Variants in ADGRL4 observed in about 807,000 individuals in gnomAD.
The protein encoded by ADGRL4 is EGF, latrophilin and seven transmembrane domain containing 1.
A neutral mutation model predicts 74.8 loss-of-function variants in ADGRL4; 90 were observed. The ratio of observed to expected loss-of-function variants is 1.20; its 90% CI spans 1.02 to 1.43. ADGRL4 has a LOEUF of 1.43. Among genes scored for constraint, ADGRL4 ranks in the 40% most tolerant of loss-of-function variants. The pLI is 0.00. For synonymous variants in ADGRL4, 311 were observed against 279.2 expected, an observed-to-expected ratio of 1.11 and a Z score of -1.14; for missense variants, 881 against 814.3, an observed-to-expected ratio of 1.08 and a Z score of -1.00.
chr1:78,890,857 A>G lies in ADGRL4; in HGVS notation c.*297T>C. On this transcript the variant is annotated 3_prime_UTR_variant, in exon 15 of 15. Coordinates refer to ENST00000370742, the MANE Select transcript of ADGRL4 (RefSeq NM_022159.4). The stretch of plus-strand genomic sequence containing the variant: ...TTCATATACTTCTCGTGTTAGAAAG[A>G]AAATCTTTCCTTGGGTGCAGTGATA... The G allele has an allele frequency of 3.0e-6, 1 of 332,100 alleles. No homozygotes were observed. Among genetic ancestry groups the G allele is most frequent in the Non-Finnish European group, 5.6e-6 (1 of 177,780 alleles). 20.6% of individuals were successfully genotyped at this position (332,100 alleles called of 1,614,324 possible).
At chr1:78,974,564 A>C (rs1431626099) in intron 2 of ADGRL4, among the ~76,000 whole-genome samples, 2 of 152,208 alleles carry the variant, frequency 1.3e-5, no homozygotes, top group African/African-American at 4.8e-5. Context: ...CTATAAAAAC[A>C]CAGGTGTATT....
chr1:78,903,096 G>T (rs1047728570), intron 12 of ADGRL4, among the ~76,000 whole-genome samples: 2 of 152,022 alleles, frequency 1.3e-5, no homozygotes, highest in African/African-American at 4.8e-5. Flanking sequence ...GAATGACACT[G>T]GTGTCCTCAC....
intron 12 of ADGRL4, among the ~76,000 whole-genome samples, chr1:78,908,994 C>A (rs1321832679): frequency 1.3e-5 from 2 of 151,514 alleles, no homozygotes; most frequent in African/African-American, 4.8e-5. Context: ...TGAATTCCAG[C>A]TATCTATTGT....
chr1:79,002,855 T>C (rs549980110), intron 2 of ADGRL4, among the ~76,000 whole-genome samples: 1 of 152,066 alleles, frequency 6.6e-6, no homozygotes, highest in Non-Finnish European at 1.5e-5. Context: ...TTAAATTAAA[T>C]AAATTCACTA....
intron 2 of ADGRL4, among the ~76,000 whole-genome samples, chr1:78,997,218 A>T (rs961829196): frequency 6.6e-6 from 1 of 152,186 alleles, no homozygotes; most frequent in Admixed American, 6.5e-5. Context: ...GGGGAATGGT[A>T]CTGAGGTGAT....
chr1:78,945,130 A>C (rs1197975287), intron 3 of ADGRL4, among the ~76,000 whole-genome samples: 2 of 146,980 alleles, frequency 1.4e-5, no homozygotes, highest in African/African-American at 5.0e-5. Flanking sequence ...GCACCACTGC[A>C]CTCCAGCCTG....
At chr1:78,925,849 G>C in intron 8 of ADGRL4, among the ~76,000 whole-genome samples, 1 of 151,982 alleles carries the variant, frequency 6.6e-6, no homozygotes, top group East Asian at 1.9e-4. Flanking sequence ...GATGAAAAAC[G>C]GAAAAAACAT....
chr1:78,930,447 ATTTTTTTTTT>A (rs750792474), intron 7 of ADGRL4, among the ~76,000 whole-genome samples: 1 of 97,290 alleles, frequency 1.0e-5, no homozygotes, highest in Non-Finnish European at 1.9e-5. Context: ...GGAAAAGCTG[ATTTTTTTTTT>A]TTTTTTTTTT....
chr1:78,923,896 C>G (rs115616609), intron 8 of ADGRL4, among the ~76,000 whole-genome samples: 1,912 of 151,870 alleles, frequency 0.013, 53 homozygotes, highest in African/African-American at 0.044. Flanking sequence ...AGATACTGTA[C>G]AGGGAGAGAT....
chr1:78,891,253 C>A, intron 14 of ADGRL4, 37 bp from the exon 15 acceptor site: 2 of 1,547,960 alleles, frequency 1.3e-6, no homozygotes, highest in South Asian at 2.4e-5. Flanking sequence ...AAATGTTAAT[C>A]ATAACAATCA....
chr1:78,910,703 T>C (rs1342865389), intron 12 of ADGRL4, among the ~76,000 whole-genome samples: 5 of 151,860 alleles, frequency 3.3e-5, no homozygotes, highest in East Asian at 1.9e-4. Flanking sequence ...AAATAAATTA[T>C]GGAAATTATC....
At chr1:78,988,961 A>G (rs980326606) in intron 2 of ADGRL4, among the ~76,000 whole-genome samples, 1 of 151,874 alleles carries the variant, frequency 6.6e-6, no homozygotes, top group Non-Finnish European at 1.5e-5. Context: ...TACAAATTTC[A>G]TAATAATAAT....
At chr1:78,925,829 C>G (rs1490218545) in intron 8 of ADGRL4, among the ~76,000 whole-genome samples, 3 of 151,984 alleles carry the variant, frequency 2.0e-5, no homozygotes, top group Non-Finnish European at 4.4e-5. Flanking sequence ...AGCTGCCAAA[C>G]CATTCCACTG....
intron 4 of ADGRL4, among the ~76,000 whole-genome samples, chr1:78,938,921 T>C (rs1649416745): frequency 6.6e-6 from 1 of 152,070 alleles, no homozygotes; most frequent in Non-Finnish European, 1.5e-5. Flanking sequence ...TTAATCAACA[T>C]TTTTTACACA....
At chr1:78,991,716 A>G (rs576443291) in intron 2 of ADGRL4, among the ~76,000 whole-genome samples, 1 of 152,004 alleles carries the variant, frequency 6.6e-6, no homozygotes, top group Non-Finnish European at 1.5e-5. Flanking sequence ...AATATAGTCA[A>G]CCAACTAAGT....
intron 12 of ADGRL4, among the ~76,000 whole-genome samples, chr1:78,898,965 A>G (rs941079700): frequency 6.6e-6 from 1 of 152,154 alleles, no homozygotes; most frequent in African/African-American, 2.4e-5. Flanking sequence ...GGTACATTCA[A>G]CCCAAAGGCT....
chr1:78,895,171 A>C (rs1352123705), intron 12 of ADGRL4, among the ~76,000 whole-genome samples: 1 of 152,064 alleles, frequency 6.6e-6, no homozygotes, highest in Admixed American at 6.6e-5. Context: ...AACAGATTAA[A>C]ACATGTTTAT....
intron 12 of ADGRL4, among the ~76,000 whole-genome samples, chr1:78,903,102 C>G (rs1347104348): frequency 6.6e-6 from 1 of 152,086 alleles, no homozygotes; most frequent in African/African-American, 2.4e-5. Flanking sequence ...CACTGGTGTC[C>G]TCACTTTTTC....
Position 78,921,782 on chromosome 1 carries a change from G to T in ADGRL4, c.1088C>A (p.Thr363Lys), listed in dbSNP as rs746612752. The T allele has an allele frequency of 6.8e-7, 1 of 1,472,440 alleles. No individual in the cohort carries two copies. The highest frequency in any genetic ancestry group is 2.5e-5 in the Admixed American group (1 of 39,472). 91.2% of individuals were successfully genotyped at this position (1,472,440 alleles called of 1,614,324 possible). The change falls in exon 9 of 15, where the codon ACA (threonine) becomes AAA (lysine). Residue 363 changes from threonine to lysine, a missense_variant. Physicochemically the swap from Thr to Lys is moderately conservative, Grantham distance 78. Transcript: ENST00000370742. ...ITFTLSHRKV[T>K]DRYRSLCAFW... ...TGCACATAGACTCCTATACCTATCT[G>T]TGACCTGAAAAAAAGATACTTTACT...
Sources: allele counts gnomAD v4.1 joint callset (sites outside exome capture counted in the v4.1 genomes callset), GRCh38; gene constraint gnomAD v4.1.1; transcripts MANE v1.5; gene names NCBI Gene and HGNC (gene_info 2026-07-23, HGNC 2026-07-21).